SLC22A15: variants seen among roughly 807,000 people sequenced by gnomAD.
The protein encoded by SLC22A15 is flipt 1.
In SLC22A15, 45 loss-of-function variants were observed where a neutral mutation model predicts 62.7. The observed-to-expected ratio is 0.72, with a 90% confidence interval of 0.56 to 0.92. The LOEUF is 0.92. SLC22A15 is among the 40% of genes least tolerant of loss of function. The pLI is 0.00. For synonymous variants in SLC22A15, 264 were observed against 267.0 expected, an observed-to-expected ratio of 0.99 and a Z score of 0.11; for missense variants, 622 against 665.6, an observed-to-expected ratio of 0.93 and a Z score of 0.72.
At chr1:116,065,098 C>T (rs1027459864) in intron 10 of SLC22A15, among the ~76,000 whole-genome samples, 5 of 152,008 alleles carry the variant, frequency 3.3e-5, no homozygotes, top group Admixed American at 1.3e-4. Context: ...TCTTAAAATG[C>T]TCAGATTCTG....
chr1:116,018,266 T>C (rs1362587997), intron 2 of SLC22A15, among the ~76,000 whole-genome samples: 2 of 152,242 alleles, frequency 1.3e-5, no homozygotes, highest in African/African-American at 4.8e-5. Flanking sequence ...AATCATGCTA[T>C]ATTTGTGTTT....
At chr1:115,985,298 G>C (rs1002729149) in intron 1 of SLC22A15, among the ~76,000 whole-genome samples, 1 of 152,208 alleles carries the variant, frequency 6.6e-6, no homozygotes, top group Non-Finnish European at 1.5e-5. Context: ...ATGCCTTACA[G>C]ATTTGTAGCC....
chr1:116,030,242 A>G (rs1338513078), intron 5 of SLC22A15, among the ~76,000 whole-genome samples: 1 of 152,118 alleles, frequency 6.6e-6, no homozygotes, highest in East Asian at 1.9e-4. Flanking sequence ...CTTTCCTTTC[A>G]GCACCATTAC....
chr1:116,001,697 T>C (rs1014683114), intron 2 of SLC22A15, among the ~76,000 whole-genome samples: 5 of 152,090 alleles, frequency 3.3e-5, no homozygotes, highest in African/African-American at 9.7e-5. Context: ...TATTTCAATC[T>C]CCTTGTTAAA....
intron 8 of SLC22A15, among the ~76,000 whole-genome samples, chr1:116,058,940 C>T (rs537365507): frequency 6.6e-6 from 1 of 152,100 alleles, no homozygotes; most frequent in Non-Finnish European, 1.5e-5. Context: ...AAGAATGATA[C>T]AGTGGACTTT....
intron 6 of SLC22A15, among the ~76,000 whole-genome samples, chr1:116,033,466 T>A (rs577665523): frequency 6.6e-6 from 1 of 152,176 alleles, no homozygotes; most frequent in South Asian, 2.1e-4. Context: ...CACCACCAGC[T>A]GGGAACTAAA....
chr1:115,977,087 G>C (rs576993070), intron 1 of SLC22A15, among the ~76,000 whole-genome samples: 71 of 152,304 alleles, frequency 4.7e-4, no homozygotes, highest in African/African-American at 1.6e-3. Context: ...GAAGGGAATT[G>C]TTACCCTACC....
chr1:116,062,885 A>G lies in SLC22A15; in HGVS notation c.1292+3A>G, dbSNP rs772483097. On this transcript the variant is annotated splice_donor_region_variant and intron_variant, in intron 9 of 11. Transcript: ENST00000369503. ...GAGCTTTACCCTACAGTCATCAGGT[A>G]CGTGTCTCACACAGCCTCATTCTTC... 6.2e-7 allele frequency: 1 copy of G among 1,613,282 alleles called. No individual in the cohort carries two copies. The highest frequency in any genetic ancestry group is 1.1e-5 in the South Asian group (1 of 91,062).
At chr1:116,009,977 G>A (rs1656172657) in intron 2 of SLC22A15, among the ~76,000 whole-genome samples, 1 of 152,148 alleles carries the variant, frequency 6.6e-6, no homozygotes, top group African/African-American at 2.4e-5. Context: ...TTACACTTGG[G>A]TCAGGCCTTG....
At chr1:115,997,439 A>T (rs1386789986) in intron 2 of SLC22A15, among the ~76,000 whole-genome samples, 15 of 152,072 alleles carry the variant, frequency 9.9e-5, no homozygotes. Context: ...ATTAACATGA[A>T]ATATCTTGCC....
intron 8 of SLC22A15, among the ~76,000 whole-genome samples, chr1:116,048,959 T>G (rs1302124266): frequency 6.6e-6 from 1 of 152,084 alleles, no homozygotes; most frequent in African/African-American, 2.4e-5. Context: ...TATTCTTATA[T>G]CAGACAAAAC....
At chr1:116,033,180 G>T (rs1352741865) in intron 6 of SLC22A15, among the ~76,000 whole-genome samples, 3 of 152,104 alleles carry the variant, frequency 2.0e-5, no homozygotes, top group Middle Eastern at 3.2e-3. Context: ...CTTAACTGGG[G>T]ATTCAAATTA....
intron 8 of SLC22A15, among the ~76,000 whole-genome samples, chr1:116,054,487 A>C (rs567343148): frequency 5.6e-4 from 85 of 152,254 alleles, no homozygotes; most frequent in African/African-American, 1.9e-3. Flanking sequence ...TCAACATTAG[A>C]CAGATCAACG....
intron 3 of SLC22A15, among the ~76,000 whole-genome samples, chr1:116,020,339 T>C (rs1656761277): frequency 6.7e-6 from 1 of 148,858 alleles, no homozygotes; most frequent in African/African-American, 2.5e-5. Flanking sequence ...GATCACGAGG[T>C]CAGGAGATTG....
intron 8 of SLC22A15, among the ~76,000 whole-genome samples, chr1:116,052,567 C>T (rs1029173967): frequency 3.9e-5 from 6 of 152,318 alleles, no homozygotes; most frequent in East Asian, 1.9e-4. Context: ...TCTCCCAGCA[C>T]GCAGCTGGAG....
At chr1:116,013,850 G>A (rs2101242440) in intron 2 of SLC22A15, 1 of 152,334 alleles carries the variant, frequency 6.6e-6, no homozygotes, top group East Asian at 1.9e-4. Context: ...CCTGTTCATG[G>A]ATGACTCGCC....
intron 2 of SLC22A15, among the ~76,000 whole-genome samples, chr1:115,996,319 G>A (rs932526796): frequency 2.0e-5 from 3 of 152,076 alleles, no homozygotes; most frequent in Non-Finnish European, 2.9e-5. Context: ...TTCCATATAA[G>A]TTTTAGAATA....
At chr1:116,063,153 G>A (rs1255299114) in intron 9 of SLC22A15, among the ~76,000 whole-genome samples, 1 of 152,196 alleles carries the variant, frequency 6.6e-6, no homozygotes, top group Non-Finnish European at 1.5e-5. Context: ...CCCAAACAGT[G>A]CACAGATGCT....
Position 116,035,249 on chromosome 1 carries a change from T to A in SLC22A15, c.1007T>A (p.Ile336Asn). 2 of 1,613,502 alleles carry A rather than the reference T, an allele frequency of 1.2e-6. No homozygotes were observed. Among genetic ancestry groups the A allele is most frequent in the Non-Finnish European group, 1.7e-6 (2 of 1,179,610 alleles). Residue 336 changes from isoleucine to asparagine, a missense_variant, in exon 7 of 12, where the codon ATT becomes AAT. Physicochemically the swap from Ile to Asn is moderately radical, Grantham distance 149. Coordinates refer to ENST00000369503, the MANE Select transcript of SLC22A15 (RefSeq NM_018420.3). ...AGTGCGGGTGATCTAGGTGGAAGTA[T>A]TTATGCCAACCTGGCCCTGTCTGGC... ...TLSAGDLGGSIYANLALSGLI... is the reference protein window; with the variant it reads ...TLSAGDLGGSNYANLALSGLI...
Sources: gnomAD v4.1 joint callset for allele counts (sites outside exome capture counted in the v4.1 genomes callset) on GRCh38, gnomAD v4.1.1 for gene constraint, MANE v1.5 for transcripts, NCBI Gene and HGNC (gene_info 2026-07-23, HGNC 2026-07-21) for gene names.